The following NALF1 variants were observed in gnomAD, a reference collection of about 807,000 sequenced individuals.
The protein encoded by NALF1 is family with sequence similarity 155 member A.
NALF1 carries 3 observed loss-of-function variants against 48.4 expected under a neutral mutation model. The ratio of observed to expected loss-of-function variants is 0.06; its 90% CI spans 0.03 to 0.16. NALF1 has a LOEUF of 0.16. Among genes scored for constraint, NALF1 ranks in the 10% least tolerant of loss-of-function variants. The pLI is 1.00. For synonymous variants in NALF1, 262 were observed against 245.7 expected, an observed-to-expected ratio of 1.07 and a Z score of -0.62; for missense variants, 526 against 571.5, an observed-to-expected ratio of 0.92 and a Z score of 0.81.
chr13:107,867,348 C>A lies in NALF1; in HGVS notation c.-752G>T. Among the ~76,000 whole-genome samples the A allele has an allele frequency of 7.3e-6, 1 of 137,156 alleles. No individual in the cohort carries two copies. Among genetic ancestry groups the A allele is most frequent in the East Asian group, 2.5e-4 (1 of 3,986 alleles). The allele number at this position is 137,156 out of a possible 152,430, so 90.0% of individuals were successfully genotyped here. A position where few individuals can be genotyped will look rare whatever the true frequency, so the allele number is the denominator to read the frequency against. The stretch of plus-strand genomic sequence containing the variant: ...GCCGCCGCTGCCGCAGGGCCGCCCG[C>A]GGGCGCCGCCGCCGGGGCTCCGACT... On this transcript the variant is annotated 5_prime_UTR_variant, in exon 1 of 3. Coordinates refer to ENST00000375915, the MANE Select transcript of NALF1 (RefSeq NM_001080396.3). The surrounding 1 kb of genome is among the most constrained non-coding windows in gnomAD (Gnocchi z 4.4).
At chr13:107,738,001 C>T (rs757150867) in intron 1 of NALF1, among the ~76,000 whole-genome samples, 6 of 152,068 alleles carry the variant, frequency 3.9e-5, no homozygotes, top group Non-Finnish European at 8.8e-5. Context: ...AAAGATGGGT[C>T]TAATTCAGTC....
At chr13:107,367,947 A>G (rs1159022651) in intron 1 of NALF1, among the ~76,000 whole-genome samples, 2 of 152,222 alleles carry the variant, frequency 1.3e-5, no homozygotes, top group Non-Finnish European at 2.9e-5. Flanking sequence ...CAGTGCAAAC[A>G]TACTGAGCAT....
chr13:107,378,699 G>A (rs4480651), intron 1 of NALF1, among the ~76,000 whole-genome samples: 15,097 of 152,122 alleles, frequency 0.099, 1,743 homozygotes, highest in African/African-American at 0.28. Flanking sequence ...AATATTTTGA[G>A]ATATTGAATA....
At chr13:107,664,727 CTTGTTTTTCTTT>C (rs1880812860) in intron 1 of NALF1, among the ~76,000 whole-genome samples, 1 of 152,142 alleles carries the variant, frequency 6.6e-6, no homozygotes, top group East Asian at 1.9e-4. Context: ...ACCCACATAG[CTTGTTTTTCTTT>C]TTCTACATTG....
chr13:107,533,115 G>GAA (rs959994310), intron 1 of NALF1, among the ~76,000 whole-genome samples: 4 of 151,948 alleles, frequency 2.6e-5, no homozygotes, highest in Admixed American at 6.6e-5. Context: ...ATATCCCCAC[G>GAA]AAAAGAGAGT....
chr13:107,410,767 C>T (rs191517978), intron 1 of NALF1, among the ~76,000 whole-genome samples: 13 of 152,192 alleles, frequency 8.5e-5, no homozygotes, highest in East Asian at 7.8e-4. Context: ...AAATTATAAA[C>T]GTTGGGGGCC....
intron 1 of NALF1, among the ~76,000 whole-genome samples, chr13:107,561,478 A>G (rs1877642257): frequency 6.6e-6 from 1 of 152,188 alleles, no homozygotes; most frequent in Non-Finnish European, 1.5e-5. Flanking sequence ...TATTTGTCAG[A>G]GTATCATATC....
At chr13:107,858,495 T>C (rs1013379292) in intron 1 of NALF1, among the ~76,000 whole-genome samples, 13 of 152,158 alleles carry the variant, frequency 8.5e-5, no homozygotes, top group African/African-American at 2.4e-4. Flanking sequence ...GTTCAAGACC[T>C]GGCCAACATT....
At chr13:107,734,466 AG>A (rs1876408458) in intron 1 of NALF1, among the ~76,000 whole-genome samples, 1 of 151,560 alleles carries the variant, frequency 6.6e-6, no homozygotes, top group African/African-American at 2.4e-5. Flanking sequence ...AGTTAGATGC[AG>A]AGTCATGAAA....
chr13:107,401,691 T>C (rs1289517273), intron 1 of NALF1, among the ~76,000 whole-genome samples: 1 of 98,410 alleles, frequency 1.0e-5, no homozygotes, highest in Non-Finnish European at 2.1e-5. Flanking sequence ...GTTGTTACTT[T>C]GAAAAAAAAA....
At chr13:107,850,561 A>G (rs977439469) in intron 1 of NALF1, among the ~76,000 whole-genome samples, 7 of 152,202 alleles carry the variant, frequency 4.6e-5, no homozygotes, top group African/African-American at 7.2e-5. Flanking sequence ...ACTCTAACTC[A>G]TTTCATAATG....
At chr13:107,283,689 T>G (rs1881434436) in intron 1 of NALF1, among the ~76,000 whole-genome samples, 1 of 151,860 alleles carries the variant, frequency 6.6e-6, no homozygotes, top group Non-Finnish European at 1.5e-5. Flanking sequence ...AGACAGAGTC[T>G]CGCTCTGTTG....
intron 1 of NALF1, among the ~76,000 whole-genome samples, chr13:107,588,373 C>A (rs965253416): frequency 1.3e-5 from 2 of 152,070 alleles, no homozygotes; most frequent in Non-Finnish European, 2.9e-5. Context: ...AGAAATGAGA[C>A]TGTGACAACT....
At chr13:107,588,781 C>G (rs1351251973) in intron 1 of NALF1, among the ~76,000 whole-genome samples, 1 of 152,020 alleles carries the variant, frequency 6.6e-6, no homozygotes, top group Non-Finnish European at 1.5e-5. Flanking sequence ...AGGTACAAAA[C>G]TGAATCAATC....
chr13:107,224,114 TTAA>T (rs1292593301), intron 1 of NALF1, among the ~76,000 whole-genome samples: 6 of 152,080 alleles, frequency 3.9e-5, no homozygotes, highest in Non-Finnish European at 5.9e-5. Flanking sequence ...TTAACAATCC[TTAA>T]TAATAAAATT....
chr13:107,479,218 T>C (rs1367879789), intron 1 of NALF1, among the ~76,000 whole-genome samples: 4 of 152,238 alleles, frequency 2.6e-5, no homozygotes, highest in South Asian at 4.1e-4. Context: ...AAGTTTTTCC[T>C]GAACATTGGA....
chr13:107,779,701 T>C (rs1435813896), intron 1 of NALF1, among the ~76,000 whole-genome samples: 1 of 152,248 alleles, frequency 6.6e-6, no homozygotes, highest in Non-Finnish European at 1.5e-5. Flanking sequence ...CTGAGATCTC[T>C]ACACAGTTGG....
At chr13:107,401,378 T>C (rs994857485) in intron 1 of NALF1, among the ~76,000 whole-genome samples, 2 of 152,220 alleles carry the variant, frequency 1.3e-5, no homozygotes, top group Admixed American at 1.3e-4. Context: ...TACCATATTC[T>C]GATTTGGCCA....
intron 1 of NALF1, among the ~76,000 whole-genome samples, chr13:107,836,107 C>T (rs182501706): frequency 5.8e-4 from 89 of 152,292 alleles, no homozygotes; most frequent in Non-Finnish European, 1.1e-3. Flanking sequence ...CCTCCCACCT[C>T]AGCCTCCTGA....
Sources: allele counts gnomAD v4.1 joint callset (sites outside exome capture counted in the v4.1 genomes callset), GRCh38; gene constraint gnomAD v4.1.1; non-coding constraint Gnocchi (gnomAD v3.1); transcripts MANE v1.5; gene names NCBI Gene and HGNC (gene_info 2026-07-23, HGNC 2026-07-21).